SND1: variants seen among roughly 807,000 people sequenced by gnomAD.
The protein encoded by SND1 is staphylococcal nuclease and tudor domain containing 1.
In SND1, 38 loss-of-function variants were observed where a neutral mutation model predicts 121.7. The ratio of observed to expected loss-of-function variants is 0.31; its 90% CI spans 0.24 to 0.41. The LOEUF (loss-of-function observed/expected upper bound fraction) is 0.41. Ranked by LOEUF, SND1 falls within the 10% of genes least tolerant of loss-of-function variation. The probability of loss-of-function intolerance (pLI) is 1.00; values close to 1 mark genes in which losing one functional copy is unlikely to be tolerated. For synonymous variants in SND1, 401 were observed against 447.4 expected (o/e 0.90, Z 1.31); for missense variants, 868 against 1,184.6 (o/e 0.73, Z 3.92).
At chr7:127,695,876 G>A (rs1795998693) in intron 3 of SND1, among the ~76,000 whole-genome samples, 1 of 152,118 alleles carries the variant, frequency 6.6e-6, no homozygotes, top group African/African-American at 2.4e-5. Context: ...ATATTTGTGT[G>A]TGTGCATATT....
chr7:128,063,296 G>C (rs1473241911), intron 16 of SND1, among the ~76,000 whole-genome samples: 1 of 152,240 alleles, frequency 6.6e-6, no homozygotes, highest in East Asian at 1.9e-4. Flanking sequence ...CCTCACTCCA[G>C]TTATAGTCAG....
chr7:128,048,158 GTTC>G (rs1345006742), intron 16 of SND1, among the ~76,000 whole-genome samples: 1 of 152,030 alleles, frequency 6.6e-6, no homozygotes, highest in African/African-American at 2.4e-5. Context: ...CTTCTTCCTT[GTTC>G]TTATCTGGAC....
intron 12 of SND1, among the ~76,000 whole-genome samples, chr7:127,865,049 A>C (rs931074692): frequency 6.6e-6 from 1 of 152,248 alleles, no homozygotes; most frequent in Non-Finnish European, 1.5e-5. Context: ...ATTCTGGGTA[A>C]CAGATGGTGG....
At position 127,704,956 on chromosome 7, in the gene SND1, T is replaced by C; in HGVS notation, c.947+11T>C. On this transcript the variant is annotated intron_variant, in intron 8 of 23. Coordinates refer to ENST00000354725, the MANE Select transcript of SND1 (RefSeq NM_014390.4). ...GAGGGCGGCAGAGAGGTAAGGTCTG[T>C]CCAAGAGGCCTTCCAGCTGTGGATC... is the stretch of plus-strand genomic sequence containing the variant. 6.2e-7 allele frequency: 1 copy of C among 1,606,960 alleles called. No individual in the cohort carries two copies. The highest frequency in any genetic ancestry group is 1.1e-5 in the South Asian group (1 of 90,894).
intron 16 of SND1, among the ~76,000 whole-genome samples, chr7:128,074,221 C>G (rs1793464922): frequency 6.6e-6 from 1 of 151,752 alleles, no homozygotes. Flanking sequence ...TGACCTTCAG[C>G]TGCGCTCTCT....
chr7:127,882,260 A>G (rs555883668), intron 12 of SND1, among the ~76,000 whole-genome samples: 23 of 151,362 alleles, frequency 1.5e-4, no homozygotes, highest in Non-Finnish European at 5.9e-5. Context: ...TCCCTTTTAT[A>G]TATGTTAAAA....
chr7:127,941,846 T>A (rs1801212267), intron 15 of SND1, among the ~76,000 whole-genome samples: 1 of 151,790 alleles, frequency 6.6e-6, no homozygotes, highest in South Asian at 2.1e-4. Context: ...TTTAGCAAAC[T>A]GCTATTTCTT....
chr7:127,902,183 G>T (rs1418751200), intron 13 of SND1, among the ~76,000 whole-genome samples: 1 of 152,094 alleles, frequency 6.6e-6, no homozygotes, highest in African/African-American at 2.4e-5. Flanking sequence ...TTTTCTCATA[G>T]TACATGAGAT....
intron 16 of SND1, among the ~76,000 whole-genome samples, chr7:128,041,321 G>A (rs968035976): frequency 1.3e-5 from 2 of 152,148 alleles, no homozygotes; most frequent in African/African-American, 4.8e-5. Context: ...GGGCAGCGCA[G>A]CATTGGGAAC....
intron 14 of SND1, among the ~76,000 whole-genome samples, chr7:127,909,360 A>G (rs1800408637): frequency 6.6e-6 from 1 of 152,004 alleles, no homozygotes; most frequent in African/African-American, 2.4e-5. Flanking sequence ...TAATCACATC[A>G]TGGCTTGGTT....
At chr7:127,714,255 A>G (rs549427085) in intron 9 of SND1, among the ~76,000 whole-genome samples, 2 of 152,330 alleles carry the variant, frequency 1.3e-5, no homozygotes, top group Non-Finnish European at 2.9e-5. Flanking sequence ...CCTGCCTTCA[A>G]GGAGCTTACC....
chr7:127,688,827 C>CTA (rs1357495426), intron 2 of SND1, among the ~76,000 whole-genome samples: 7 of 151,812 alleles, frequency 4.6e-5, no homozygotes, highest in African/African-American at 1.7e-4. Flanking sequence ...CTTTTGTGTG[C>CTA]TATTCCCTGC....
At chr7:127,764,038 C>CAAAAAAAAAAAAA (rs60053474) in intron 10 of SND1, among the ~76,000 whole-genome samples, 3 of 76,514 alleles carry the variant, frequency 3.9e-5, no homozygotes, top group African/African-American at 8.5e-5. Context: ...GACCCTGTCG[C>CAAAAAAAAAAAAA]AAAAAAAAAA....
chr7:128,072,717 A>T (rs1483574737), intron 16 of SND1, among the ~76,000 whole-genome samples: 1 of 150,668 alleles, frequency 6.6e-6, no homozygotes, highest in Non-Finnish European at 1.5e-5. Flanking sequence ...TCTGTTCCCC[A>T]TTCCTGGCCT....
At chr7:128,013,786 C>T (rs538422184) in intron 16 of SND1, among the ~76,000 whole-genome samples, 1 of 152,360 alleles carries the variant, frequency 6.6e-6, no homozygotes, top group African/African-American at 2.4e-5. Flanking sequence ...AGTAATGCTC[C>T]CCGCCTACCA....
intron 12 of SND1, among the ~76,000 whole-genome samples, chr7:127,867,122 G>A (rs141883116): frequency 3.3e-5 from 5 of 152,050 alleles, no homozygotes; most frequent in Admixed American, 2.0e-4. Flanking sequence ...ATAATTAAAA[G>A]ACATTTTAAT....
chr7:127,844,629 A>G (rs533116269), intron 12 of SND1, among the ~76,000 whole-genome samples: 2 of 152,330 alleles, frequency 1.3e-5, no homozygotes, highest in East Asian at 3.9e-4. Flanking sequence ...TCATTATTGT[A>G]GTTATTTAAG....
chr7:127,865,767 G>A (rs1799459786), intron 12 of SND1, among the ~76,000 whole-genome samples: 1 of 151,098 alleles, frequency 6.6e-6, no homozygotes, highest in African/African-American at 2.4e-5. Flanking sequence ...ATCATGCTCA[G>A]CTAATTTATT....
chr7:127,729,251 G>A (rs1796632328), intron 10 of SND1, among the ~76,000 whole-genome samples: 1 of 151,952 alleles, frequency 6.6e-6, no homozygotes, highest in Admixed American at 6.5e-5. Flanking sequence ...ATTCATTGAA[G>A]TTTATAGTTG....
Sources: allele counts gnomAD v4.1 joint callset (sites outside exome capture counted in the v4.1 genomes callset), GRCh38; gene constraint gnomAD v4.1.1; transcripts MANE v1.5; gene names NCBI Gene and HGNC (gene_info 2026-07-23, HGNC 2026-07-21).